PCDHGB2: variants seen among roughly 807,000 people sequenced by gnomAD.
The protein encoded by PCDHGB2 is protocadherin gamma-B2.
Under a neutral mutation model 59.3 loss-of-function variants are expected in PCDHGB2, and 55 were observed. The ratio of observed to expected loss-of-function variants is 0.93; its 90% CI spans 0.75 to 1.16. The LOEUF (loss-of-function observed/expected upper bound fraction) is 1.16. PCDHGB2 is among the 50% of genes most tolerant of loss of function. PCDHGB2 has a pLI of 0.00. For missense variants in PCDHGB2, 1,228 were observed against 1,198.5 expected (o/e 1.02, Z -0.36); for synonymous variants, 516 against 512.0 (o/e 1.01, Z -0.11).
Position 141,489,826 on chromosome 5 carries a change from C to T in PCDHGB2, c.2422-4981C>T, listed in dbSNP as rs1270077118. 1 of 1,614,186 alleles carries T rather than the reference C, an allele frequency of 6.2e-7. No individual in the cohort carries two copies. The highest frequency in any genetic ancestry group is 1.7e-5 in the Admixed American group (1 of 60,028). On this transcript the variant is annotated intron_variant, in intron 1 of 3. Coordinates refer to ENST00000522605, the MANE Select transcript of PCDHGB2 (RefSeq NM_018923.3). The surrounding 1 kb of genome is among the most constrained non-coding windows in gnomAD (Gnocchi z 4.5). ...TGGGAAGCCATTCCCAGAGCTGGTGCTAGAGCAGCAGCTGGATCGTGAAGC... is the reference window on the plus strand; with the variant it reads ...TGGGAAGCCATTCCCAGAGCTGGTGTTAGAGCAGCAGCTGGATCGTGAAGC...
intron 1 of PCDHGB2, chr5:141,414,517 G>A: frequency 6.2e-7 from 1 of 1,613,964 alleles, no homozygotes; most frequent in Non-Finnish European, 8.5e-7. Context: ...ACAAGTGGCA[G>A]ATATCAATGA....
chr5:141,375,766 G>T (rs754916018), intron 1 of PCDHGB2: 5 of 1,614,270 alleles, frequency 3.1e-6, no homozygotes, highest in Non-Finnish European at 4.2e-6. Flanking sequence ...ATGCGCCCGA[G>T]ATCCTGTACC....
chr5:141,384,410 A>G, intron 1 of PCDHGB2: 1 of 1,613,844 alleles, frequency 6.2e-7, no homozygotes, highest in Non-Finnish European at 8.5e-7. Flanking sequence ...GTGTCCTCCT[A>G]TGTCTCCATA....
In PCDHGB2 at chr5:141,408,415, G is replaced by A. The variant is rs554066897; in HGVS notation, c.2421+45859G>A. The A allele has an allele frequency of 1.8e-5, 29 of 1,614,074 alleles. 1 individual carries two copies. In the South Asian group the frequency reaches 2.9e-4, roughly 16 times the overall value. On this transcript the variant is annotated intron_variant, in intron 1 of 3. Coordinates refer to ENST00000522605, the MANE Select transcript of PCDHGB2 (RefSeq NM_018923.3). Reference sequence around the variant, plus strand: ...CTCGCAAGCTGCGAGTGAGCGCGGAGAAGCTGCACTTCAGCGTAGACGCGG... The same window carrying A: ...CTCGCAAGCTGCGAGTGAGCGCGGAAAAGCTGCACTTCAGCGTAGACGCGG...
At chr5:141,437,096 C>T (rs989863634) in intron 1 of PCDHGB2, among the ~76,000 whole-genome samples, 6 of 152,122 alleles carry the variant, frequency 3.9e-5, no homozygotes, top group Non-Finnish European at 8.8e-5. Context: ...AAACTAACGG[C>T]TTAGCTTTAG....
chr5:141,510,949 G>C lies in PCDHGB2; in HGVS notation c.2572G>C (p.Ala858Pro), dbSNP rs762789865. The C allele has an allele frequency of 2.2e-5, 36 of 1,614,012 alleles. No homozygotes were observed. The highest frequency in any genetic ancestry group is 3.0e-5 in the Non-Finnish European group (35 of 1,180,020). ...CTGATCTTCCTCTGTCTCTGCAGAA[G>C]CTGCTGATGGGAGCTCCACCCTGGG... ...QAMILASASE[A>P]ADGSSTLGGG... is the part of the protein sequence containing the mutation. The change falls in exon 4 of 4, where the codon GCT (alanine) becomes CCT (proline). Residue 858 changes from alanine (A) to proline (P), a missense_variant and splice_region_variant. Around this residue, in one of 3 missense-constraint regions of PCDHGB2, gnomAD observed 433 missense variants for 441.8 expected, o/e 0.98. Coordinates refer to ENST00000522605, the MANE Select transcript of PCDHGB2 (RefSeq NM_018923.3).
Position 141,360,598 on chromosome 5 carries a change from G to C in PCDHGB2, c.463G>C (p.Asp155His), listed in dbSNP as rs1761668512. The change falls in exon 1 of 4, where the codon GAC (aspartate) becomes CAC (histidine). Residue 155 changes from aspartate (D) to histidine (H), a missense_variant. This residue lies in a region of PCDHGB2 where 781 missense variants were observed against 721.6 expected (regional missense o/e 1.08). Transcript: ENST00000522605. ...TAAGCCAGGTACAACATTTCCACTTGACCCAGCCCTGGATTCAGATGTTGG... is the reference window on the plus strand; with the variant it reads ...TAAGCCAGGTACAACATTTCCACTTCACCCAGCCCTGGATTCAGATGTTGG... ...STKPGTTFPL[D>H]PALDSDVGPN... 1 of 1,613,956 alleles carries C rather than the reference G, an allele frequency of 6.2e-7. No homozygotes were observed. The highest frequency in any genetic ancestry group is 8.5e-7 in the Non-Finnish European group (1 of 1,179,888).
In PCDHGB2 at chr5:141,487,260, C is replaced by T; in HGVS notation, c.2422-7547C>T. 6.2e-7 allele frequency: 1 copy of T among 1,614,116 alleles called. No homozygotes were observed. The highest frequency in any genetic ancestry group is 1.1e-5 in the South Asian group (1 of 91,080). On this transcript the variant is annotated intron_variant, in intron 1 of 3. Coordinates refer to ENST00000522605, the MANE Select transcript of PCDHGB2 (RefSeq NM_018923.3). The surrounding 1 kb of genome is among the most constrained non-coding windows in gnomAD (Gnocchi z 5.0). ...CGTCTAACCCTCTACTTGGCTGTGT[C>T]CCTAGTGGCAATTTGCTTTGTCTCC...
Position 141,383,564 on chromosome 5 carries a change from G to A in PCDHGB2, c.2421+21008G>A, listed in dbSNP as rs767546411. On this transcript the variant is annotated intron_variant, in intron 1 of 3. Coordinates refer to ENST00000522605, the MANE Select transcript of PCDHGB2 (RefSeq NM_018923.3). ...GCCTCTGATGGCGGCGACCCGCCCC[G>A]ATCCAGCACCGCCCACATCCAGGTG... 6.2e-6 allele frequency: 10 copies of A among 1,612,926 alleles called. No homozygotes were observed. In the East Asian group the frequency reaches 6.7e-5, roughly 11 times the overall value.
At chr5:141,408,412 G>A in intron 1 of PCDHGB2, 2 of 1,614,052 alleles carry the variant, frequency 1.2e-6, no homozygotes, top group South Asian at 1.1e-5. Flanking sequence ...GAGTGAGCGC[G>A]GAGAAGCTGC....
At chr5:141,366,325 C>G (rs1401034838) in intron 1 of PCDHGB2, 1 of 1,613,826 alleles carries the variant, frequency 6.2e-7, no homozygotes, top group East Asian at 2.2e-5. Flanking sequence ...TTGCCGTGGC[C>G]GACAGGATCC....
intron 1 of PCDHGB2, chr5:141,389,770 C>T: frequency 4.3e-6 from 7 of 1,613,166 alleles, no homozygotes; most frequent in Admixed American, 1.7e-5. Flanking sequence ...ACAGCGCGTG[C>T]CTTAGGCGAC....
rs200598354 is a variant in PCDHGB2 at position 141,365,666 on chromosome 5, A to G, written c.2421+3110A>G. ...CATCCCCTTGAAAGTAGCAGACGTT[A>G]ATGACAACCCACCCAATTTCCCTCA... is the stretch of plus-strand genomic sequence containing the variant. On this transcript the variant is annotated intron_variant, in intron 1 of 3. Coordinates refer to ENST00000522605, the MANE Select transcript of PCDHGB2 (RefSeq NM_018923.3). The G allele has an allele frequency of 2.4e-4, 388 of 1,613,398 alleles. No homozygotes were observed. Among genetic ancestry groups the G allele is most frequent in the Admixed American group, 8.2e-4 (49 of 60,008 alleles).
At chr5:141,421,616 AC>A in intron 1 of PCDHGB2, 1 of 1,613,792 alleles carries the variant, frequency 6.2e-7, no homozygotes, top group Non-Finnish European at 8.5e-7. Context: ...ATTAATGATA[AC>A]GCCCCCAGCT....
At chr5:141,436,208 A>G (rs1287696925) in intron 1 of PCDHGB2, among the ~76,000 whole-genome samples, 1 of 152,152 alleles carries the variant, frequency 6.6e-6, no homozygotes, top group Non-Finnish European at 1.5e-5. Context: ...CATAATAGGA[A>G]AACAAATGAC....
In PCDHGB2 at chr5:141,511,367, G is replaced by A. The variant is rs563286583; in HGVS notation, c.*194G>A. ...CCTTCCCCCCCAGGGGGTTGAATAT[G>A]CAAAAGCAGTTCCGCTGGGAACCCC... On this transcript the variant is annotated 3_prime_UTR_variant, in exon 4 of 4. Coordinates refer to ENST00000522605, the MANE Select transcript of PCDHGB2 (RefSeq NM_018923.3). 2.3e-6 allele frequency: 3 copies of A among 1,299,952 alleles called. No individual in the cohort carries two copies. Among genetic ancestry groups the A allele is most frequent in the Non-Finnish European group, 3.1e-6 (3 of 967,442 alleles). 80.5% of individuals were successfully genotyped at this position (1,299,952 alleles called of 1,614,324 possible).
chr5:141,366,429 T>C (rs1316802460), intron 1 of PCDHGB2: 2 of 1,614,110 alleles, frequency 1.2e-6, no homozygotes, highest in Admixed American at 3.3e-5. Context: ...GTGGCTGCAG[T>C]CTCCTGCGTC....
At chr5:141,470,957 TCCTCCCACCTCAG>T (rs2099244488) in intron 1 of PCDHGB2, among the ~76,000 whole-genome samples, 1 of 152,026 alleles carries the variant, frequency 6.6e-6, no homozygotes, top group South Asian at 2.1e-4. Flanking sequence ...CCTCAAGTGA[TCCTCCCACCTCAG>T]CCTCCCAAAG....
chr5:141,388,016 C>T lies in PCDHGB2; in HGVS notation c.2421+25460C>T, dbSNP rs1026420398. Reference sequence around the variant, plus strand: ...GGATTCCCGAGGAAATGCCCAAGGGCTCCGTAGTGGGGAACCTCGCCACGG... The same window carrying T: ...GGATTCCCGAGGAAATGCCCAAGGGTTCCGTAGTGGGGAACCTCGCCACGG... On this transcript the variant is annotated intron_variant, in intron 1 of 3. Coordinates refer to ENST00000522605, the MANE Select transcript of PCDHGB2 (RefSeq NM_018923.3). 4.1e-6 allele frequency: 6 copies of T among 1,465,422 alleles called. No individual in the cohort carries two copies. In the African/African-American group the frequency reaches 7.1e-5, roughly 17 times the overall value. The allele number at this position is 1,465,422 out of a possible 1,614,324, so 90.8% of individuals were successfully genotyped here.
Sources: allele counts gnomAD v4.1 joint callset (sites outside exome capture counted in the v4.1 genomes callset), GRCh38; gene constraint gnomAD v4.1.1; regional missense constraint gnomAD v4.1.1; non-coding constraint Gnocchi (gnomAD v3.1); transcripts MANE v1.5; gene names NCBI Gene and HGNC (gene_info 2026-07-23, HGNC 2026-07-21).